The following TJP1 variants were observed in gnomAD, a reference collection of about 807,000 sequenced individuals.
The protein encoded by TJP1 is tight junction protein ZO-1.
Under a neutral mutation model 194.2 loss-of-function variants are expected in TJP1, and 43 were observed. That is an observed-to-expected ratio of 0.22 (90% CI 0.17 to 0.29). The LOEUF (loss-of-function observed/expected upper bound fraction) is 0.29, where lower values mean the gene tolerates loss of function less well. Ranked by LOEUF, TJP1 falls within the 10% of genes least tolerant of loss-of-function variation. The pLI, the probability that TJP1 is intolerant of heterozygous loss-of-function variation, is 1.00. For synonymous variants in TJP1, 801 were observed against 779.0 expected (o/e 1.03, Z -0.47); for missense variants, 1,971 against 2,185.7 (o/e 0.90, Z 1.96).
intron 2 of TJP1, among the ~76,000 whole-genome samples, chr15:29,908,756 T>C (rs918631677): frequency 2.0e-5 from 3 of 152,112 alleles, no homozygotes; most frequent in African/African-American, 7.2e-5. Flanking sequence ...CAGCAGCTCA[T>C]GCCTGTAATC....
chr15:29,798,473 T>C (rs1012613666), intron 2 of TJP1, among the ~76,000 whole-genome samples: 3 of 152,078 alleles, frequency 2.0e-5, no homozygotes, highest in Non-Finnish European at 4.4e-5. Context: ...AAACATGACG[T>C]CATCACTCGA....
intron 2 of TJP1, among the ~76,000 whole-genome samples, chr15:29,915,653 T>C (rs2152236436): frequency 6.6e-6 from 1 of 152,342 alleles, no homozygotes; most frequent in Admixed American, 6.5e-5. Context: ...TAGAAAAGAA[T>C]TTAGAGCCTG....
At chr15:29,950,197 C>T (rs796820426) in intron 2 of TJP1, among the ~76,000 whole-genome samples, 2 of 140,072 alleles carry the variant, frequency 1.4e-5, no homozygotes, top group South Asian at 2.4e-4. Context: ...CCACCACCAC[C>T]ACTTCCATCT....
At chr15:29,794,905 A>G (rs954909880) in intron 2 of TJP1, among the ~76,000 whole-genome samples, 1 of 152,232 alleles carries the variant, frequency 6.6e-6, no homozygotes, top group Non-Finnish European at 1.5e-5. Context: ...AACAGAATAA[A>G]GAATGTCACT....
rs1179987743 is a variant in TJP1, at chr15:29,734,372, A to G, written c.1418T>C (p.Val473Ala). Residue 473 changes from valine (V) to alanine (A), a missense_variant, in exon 12 of 28, where the codon GTA (valine) becomes GCA (alanine). By Grantham distance (64) the Val-to-Ala change is moderately conservative. Transcript: ENST00000614355. ...EGDQILRVNN[V>A]DFTNIIREEA... is the part of the protein sequence containing the mutation. ...TTCTCTTATGATATTTGTAAAATCT[A>G]CGTTGTTTACCTAATAAATAAGATT... 1.2e-6 allele frequency: 2 copies of G among 1,609,738 alleles called. No homozygotes were observed. The highest frequency in any genetic ancestry group is 1.7e-6 in the Non-Finnish European group (2 of 1,177,468).
rs1221853661 is a variant in TJP1, at chr15:29,705,675, T to A, written c.4921A>T (p.Asn1641Tyr). The change falls in exon 26 of 28, where the codon AAC (asparagine) becomes TAC (tyrosine). Residue 1641 changes from asparagine (N) to tyrosine (Y), a missense_variant. Physicochemically the swap from Asn to Tyr is moderately radical, Grantham distance 143. Around this residue, in one of 5 missense-constraint regions of TJP1, gnomAD observed 1,108 missense variants for 1,128.5 expected, o/e 0.98. Transcript: ENST00000614355. ...GAACTCAGCACGCCCCCATTGCTGT[T>A]AAATATGCCTCGGGCTGTGGCCACC... ...TVVATARGIF[N>Y]SNGGVLSSIE... 8 of 1,614,208 alleles carry A rather than the reference T, an allele frequency of 5.0e-6. No homozygotes were observed. Among genetic ancestry groups the A allele is most frequent in the African/African-American group, 1.3e-5 (1 of 75,052 alleles).
In TJP1 at chr15:29,705,472, G is replaced by A. The variant is rs2041834276; in HGVS notation, c.5068+56C>T. ...AGCCAAGCACTATAAGCTCTGAAGT[G>A]CACACAGGGCAACTCTTAAGTTATC... On this transcript the variant is annotated intron_variant, in intron 26 of 27. Transcript: ENST00000614355. 3.9e-6 allele frequency: 6 copies of A among 1,549,134 alleles called. No homozygotes were observed. In the African/African-American group the frequency reaches 4.1e-5, roughly 11 times the overall value.
At chr15:29,746,738 G>T (rs2044810178) in intron 8 of TJP1, among the ~76,000 whole-genome samples, 1 of 151,998 alleles carries the variant, frequency 6.6e-6, no homozygotes, top group Non-Finnish European at 1.5e-5. Context: ...TATATTATTA[G>T]TAGTCTCTTT....
At position 29,711,013 on chromosome 15, in the gene TJP1, G is replaced by A. The variant is rs1003273313; in HGVS notation, c.4203-13C>T. ...AGGAGGCTTTCCCCTGTTAACAAAT[G>A]AAGAAAATGCCAACACCTGAAAATG... On this transcript the variant is annotated splice_polypyrimidine_tract_variant and intron_variant, in intron 23 of 27. Coordinates refer to ENST00000614355, the MANE Select transcript of TJP1 (RefSeq NM_001330239.4). 2.6e-6 allele frequency: 4 copies of A among 1,552,188 alleles called. No individual in the cohort carries two copies. Among genetic ancestry groups the A allele is most frequent in the South Asian group, 1.2e-5 (1 of 81,856 alleles).
intron 15 of TJP1, 52 bp from the exon 16 acceptor site, chr15:29,728,071 C>G: frequency 6.7e-7 from 1 of 1,503,724 alleles, no homozygotes; most frequent in South Asian, 1.1e-5. Flanking sequence ...ACTGGTTAGA[C>G]AGGAGTTTCT....
intron 2 of TJP1, among the ~76,000 whole-genome samples, chr15:29,937,566 A>G (rs1193804777): frequency 6.6e-6 from 1 of 152,242 alleles, no homozygotes; most frequent in Non-Finnish European, 1.5e-5. Flanking sequence ...AGCTTTAAAA[A>G]GCAGTTATGA....
chr15:29,865,885 T>G (rs1411239392), intron 2 of TJP1, among the ~76,000 whole-genome samples: 1 of 152,206 alleles, frequency 6.6e-6, no homozygotes, highest in East Asian at 1.9e-4. Context: ...GAGAAACATG[T>G]ACCCAGTTTT....
chr15:29,748,564 CTTTTTTTTTTTTTTT>C (rs61364565), intron 8 of TJP1, among the ~76,000 whole-genome samples: 3 of 73,392 alleles, frequency 4.1e-5, no homozygotes, highest in African/African-American at 1.6e-4. Flanking sequence ...CTTCCTAATT[CTTTTTTTTTTTTTTT>C]TTTTTTTTTT....
upstream of TJP1, among the ~76,000 whole-genome samples, chr15:29,825,703 G>A (rs886783742): frequency 6.6e-5 from 10 of 152,210 alleles, no homozygotes; most frequent in East Asian, 7.7e-4. Flanking sequence ...ATTTATTTAC[G>A]GTAGTGAAGC....
chr15:29,866,629 A>C (rs1229426521), intron 2 of TJP1, among the ~76,000 whole-genome samples: 2 of 152,216 alleles, frequency 1.3e-5, no homozygotes, highest in East Asian at 3.8e-4. Context: ...GCAGAAAAAA[A>C]ACAGGCTGCT....
At chr15:29,888,368 C>T (rs1451392771) in intron 2 of TJP1, among the ~76,000 whole-genome samples, 4 of 151,982 alleles carry the variant, frequency 2.6e-5, no homozygotes, top group Non-Finnish European at 4.4e-5. Flanking sequence ...CATATATACA[C>T]GCACACACAA....
In TJP1 at chr15:29,719,137, A is replaced by C; in HGVS notation, c.3005T>G (p.Val1002Gly). ...SLSSHVDPTKVYRKDPYPEEM... is the reference protein window; with the variant it reads ...SLSSHVDPTKGYRKDPYPEEM... ...CTCGGGATATGGATCCTTTCTATAC[A>C]CCTGTATAAAAAATTCACATTTAAG... The change falls in exon 21 of 28, where the codon GTG (valine) becomes GGG (glycine). Residue 1002 changes from valine to glycine, a missense_variant and splice_region_variant. Physicochemically the swap from Val to Gly is moderately radical, Grantham distance 109 (BLOSUM62 -3). This residue lies in a region of TJP1 where 1,108 missense variants were observed against 1,128.5 expected (regional missense o/e 0.98). Transcript: ENST00000614355. 2 of 1,574,322 alleles carry C rather than the reference A, an allele frequency of 1.3e-6. No individual in the cohort carries two copies. The highest frequency in any genetic ancestry group is 1.7e-6 in the Non-Finnish European group (2 of 1,164,644).
Position 29,718,659 on chromosome 15 carries a change from T to C in TJP1, c.3483A>G (p.Pro1161=), listed in dbSNP as rs1566886040. 1 of 1,614,188 alleles carries C rather than the reference T, an allele frequency of 6.2e-7. No individual in the cohort carries two copies. The highest frequency in any genetic ancestry group is 1.7e-5 in the Admixed American group (1 of 60,020). The change falls in exon 21 of 28, where the codon CCA becomes CCG. Residue 1161 remains proline (P), a synonymous_variant. Coordinates refer to ENST00000614355, the MANE Select transcript of TJP1 (RefSeq NM_001330239.4). ...TACCATGTGTGTCATACCCAGGAGC[T>C]GGCTGCTCTTCGTGCCGCAGGGCGG... ...RASALRHEEQ[P]APGYDTHGRL... is the part of the protein sequence containing the mutation.
At chr15:29,746,930 G>T (rs1288549733) in intron 8 of TJP1, among the ~76,000 whole-genome samples, 1 of 149,154 alleles carries the variant, frequency 6.7e-6, no homozygotes, top group South Asian at 2.1e-4. Context: ...AAAAAGCCAA[G>T]ATATTTTCTA....
Sources: gnomAD v4.1 joint callset for allele counts (sites outside exome capture counted in the v4.1 genomes callset) on GRCh38, gnomAD v4.1.1 for gene constraint, gnomAD v4.1.1 regional missense constraint, MANE v1.5 for transcripts, NCBI Gene and HGNC (gene_info 2026-07-23, HGNC 2026-07-21) for gene names.